Variants in DOCK3 observed in about 807,000 individuals in gnomAD.
The protein encoded by DOCK3 is dedicator of cytokinesis 3, also known as dedicator of cytokinesis protein 3.
A neutral mutation model predicts 265.6 loss-of-function variants in DOCK3; 60 were observed. That is an observed-to-expected ratio of 0.23 (90% confidence interval 0.18 to 0.28). DOCK3 has a LOEUF of 0.28. DOCK3 is among the 10% of genes least tolerant of loss of function. The probability of loss-of-function intolerance (pLI) is 1.00; values close to 1 mark genes in which losing one functional copy is unlikely to be tolerated. For missense variants in DOCK3, 1,981 were observed against 2,594.3 expected, an observed-to-expected ratio of 0.76 and a Z score of 5.14; for synonymous variants, 881 against 938.0, an observed-to-expected ratio of 0.94 and a Z score of 1.11.
chr3:50,835,516 G>C (rs375255466), intron 2 of DOCK3, among the ~76,000 whole-genome samples: 1 of 152,236 alleles, frequency 6.6e-6, no homozygotes, highest in African/African-American at 2.4e-5. Context: ...GACAACAATT[G>C]TTCATGGATG....
chr3:51,252,074 A>G (rs939198343), intron 22 of DOCK3, among the ~76,000 whole-genome samples: 2 of 152,164 alleles, frequency 1.3e-5, no homozygotes, highest in Non-Finnish European at 2.9e-5. Flanking sequence ...TCAGCTTTCT[A>G]CATATGGCTA....
intron 2 of DOCK3, among the ~76,000 whole-genome samples, chr3:50,835,918 G>A (rs1163650920): frequency 1.3e-5 from 2 of 152,054 alleles, no homozygotes; most frequent in African/African-American, 2.4e-5. Flanking sequence ...CCTTCCAGGT[G>A]GCCCAAGAGC....
chr3:51,107,096 C>A (rs762148176), intron 9 of DOCK3, among the ~76,000 whole-genome samples: 1 of 152,144 alleles, frequency 6.6e-6, no homozygotes, highest in Admixed American at 6.5e-5. Context: ...CTGAGCTGAG[C>A]CTTGGTCTCC....
At chr3:51,364,499 T>C (rs1399379194) in intron 49 of DOCK3, among the ~76,000 whole-genome samples, 1 of 152,218 alleles carries the variant, frequency 6.6e-6, no homozygotes, top group East Asian at 1.9e-4. Context: ...TTAGATCCCA[T>C]TTGTCAATTT....
At chr3:51,125,997 A>G (rs2084248811) in intron 9 of DOCK3, among the ~76,000 whole-genome samples, 1 of 152,238 alleles carries the variant, frequency 6.6e-6, no homozygotes, top group Admixed American at 6.5e-5. Context: ...CATAGTAAAT[A>G]AATTGGAAAA....
At chr3:50,939,771 T>C (rs565799321) in intron 5 of DOCK3, among the ~76,000 whole-genome samples, 1 of 152,248 alleles carries the variant, frequency 6.6e-6, no homozygotes, top group Admixed American at 6.5e-5. Context: ...GCAAATGTGG[T>C]AATGATGATA....
intron 12 of DOCK3, among the ~76,000 whole-genome samples, chr3:51,165,719 T>C (rs1178476588): frequency 6.6e-6 from 1 of 152,216 alleles, no homozygotes; most frequent in Admixed American, 6.5e-5. Context: ...ATCTGACTTA[T>C]TTTGCTTAGC....
chr3:51,350,185 G>A, intron 39 of DOCK3, 103 bp from the exon 40 acceptor site: 1 of 967,986 alleles, frequency 1.0e-6, no homozygotes, highest in East Asian at 2.5e-5. Context: ...AGATTGAGTT[G>A]CCATGATCCC....
intron 2 of DOCK3, among the ~76,000 whole-genome samples, chr3:50,820,691 G>A (rs2106910295): frequency 6.6e-6 from 1 of 152,178 alleles, no homozygotes; most frequent in South Asian, 2.1e-4. Flanking sequence ...AATAGTAATG[G>A]GATTGCTGGG....
chr3:50,787,216 G>A (rs1348141912), intron 2 of DOCK3: 2 of 595,196 alleles, frequency 3.4e-6, no homozygotes, highest in Non-Finnish European at 3.1e-6. Context: ...ATGTGCCTAT[G>A]AGTAATATTC....
chr3:50,904,768 C>G (rs1000043648), intron 4 of DOCK3, among the ~76,000 whole-genome samples: 6 of 152,010 alleles, frequency 3.9e-5, no homozygotes, highest in South Asian at 2.1e-4. Flanking sequence ...TGCAGAAGCT[C>G]TTTAGTTTAA....
chr3:51,096,466 A>G (rs2082862096), intron 9 of DOCK3, among the ~76,000 whole-genome samples: 1 of 152,062 alleles, frequency 6.6e-6, no homozygotes, highest in Non-Finnish European at 1.5e-5. Context: ...TCACGAAGTG[A>G]AGCTGTGCTG....
chr3:51,316,739 A>G (rs570297315), intron 32 of DOCK3, among the ~76,000 whole-genome samples: 1 of 152,276 alleles, frequency 6.6e-6, no homozygotes, highest in African/African-American at 2.4e-5. Flanking sequence ...TCATATGCTT[A>G]TATACCATCT....
chr3:51,178,700 A>G (rs1475626495), intron 12 of DOCK3, among the ~76,000 whole-genome samples: 1 of 152,166 alleles, frequency 6.6e-6, no homozygotes, highest in Non-Finnish European at 1.5e-5. Context: ...GTGAAGATCT[A>G]ATTGTCATGA....
intron 1 of DOCK3, among the ~76,000 whole-genome samples, chr3:50,744,974 A>C (rs1361215470): frequency 1.3e-5 from 2 of 152,180 alleles, no homozygotes; most frequent in African/African-American, 2.4e-5. Flanking sequence ...ATTTTGTAGT[A>C]AGCTTTGAAA....
intron 4 of DOCK3, among the ~76,000 whole-genome samples, chr3:50,913,665 A>C (rs539643621): frequency 6.6e-6 from 1 of 152,114 alleles, no homozygotes; most frequent in African/African-American, 2.4e-5. Flanking sequence ...GCTGGTTTAC[A>C]ATGATCCCTT....
At chr3:51,065,588 A>G (rs960924841) in intron 6 of DOCK3, among the ~76,000 whole-genome samples, 6 of 152,210 alleles carry the variant, frequency 3.9e-5, no homozygotes, top group Admixed American at 6.5e-5. Flanking sequence ...CCAATCAATG[A>G]GCAGAAACCT....
rs536225306 is a variant in DOCK3, at chr3:50,704,866, C to T, written c.37+29566C>T. Reference sequence around the variant, plus strand: ...CTGGTCTCGAACTCCTGACATCAAGCGATCCATCTGCCTTGGCCTCCCAAA... The same window carrying T: ...CTGGTCTCGAACTCCTGACATCAAGTGATCCATCTGCCTTGGCCTCCCAAA... On this transcript the variant is annotated intron_variant, in intron 1 of 52. Transcript: ENST00000266037. Among the ~76,000 whole-genome samples, 8 of 152,074 alleles carry T rather than the reference C, an allele frequency of 5.3e-5. 1 individual carries two copies. Among genetic ancestry groups the T allele is most frequent in the Admixed American group, 1.3e-4 (2 of 15,270 alleles).
At chr3:50,894,243 G>C (rs79966492) in intron 4 of DOCK3, among the ~76,000 whole-genome samples, 3,921 of 152,122 alleles carry the variant, frequency 0.026, 191 homozygotes, top group African/African-American at 0.09. Flanking sequence ...TTATATAAGA[G>C]AGCCTCCATA....
Sources: allele counts gnomAD v4.1 joint callset (sites outside exome capture counted in the v4.1 genomes callset), GRCh38; gene constraint gnomAD v4.1.1; transcripts MANE v1.5; gene names NCBI Gene and HGNC (gene_info 2026-07-23, HGNC 2026-07-21).